The following LPIN2 variants were observed in gnomAD, a reference collection of about 807,000 sequenced individuals.
LPIN2 encodes the protein phosphatidate phosphatase LPIN2.
In LPIN2, 55 loss-of-function variants were observed where a neutral mutation model predicts 111.4. That is an observed-to-expected ratio of 0.49 (90% confidence interval 0.40 to 0.62). The LOEUF (loss-of-function observed/expected upper bound fraction) is 0.62. Ranked by LOEUF, LPIN2 falls within the 20% of genes least tolerant of loss-of-function variation. The pLI, the probability that LPIN2 is intolerant of heterozygous loss-of-function variation, is 0.00. For synonymous variants in LPIN2, 425 were observed against 414.0 expected (o/e 1.03, Z -0.32); for missense variants, 992 against 1,112.1 (o/e 0.89, Z 1.54).
chr18:2,990,830 C>G, intron 1 of LPIN2: 1 of 412,946 alleles, frequency 2.4e-6, no homozygotes, highest in Non-Finnish European at 4.8e-6. Context: ...CTTCCTACTT[C>G]AATCTCTGTT....
At position 2,926,856 on chromosome 18, in the gene LPIN2, AG is replaced by A. The variant is rs773734622; in HGVS notation, c.1711-52del. On this transcript the variant is annotated intron_variant, in intron 12 of 19. Coordinates refer to ENST00000677752, the MANE Select transcript of LPIN2 (RefSeq NM_001375808.2). ...ACATGCAATTTTTTCCCTACAGATA[AG>A]CCAAGTTCATCAGCAGCCCTCTCTA... 3 of 1,435,880 alleles carry A rather than the reference AG, an allele frequency of 2.1e-6. No homozygotes were observed. In the Admixed American group the frequency reaches 5.1e-5, roughly 25 times the overall value. 88.9% of individuals were successfully genotyped at this position (1,435,880 alleles called of 1,614,324 possible).
intron 1 of LPIN2, among the ~76,000 whole-genome samples, chr18:3,009,284 A>G (rs564231456): frequency 1.3e-5 from 2 of 151,734 alleles, no homozygotes; most frequent in Non-Finnish European, 2.9e-5. Context: ...CTGTAGTCCC[A>G]GCTACTCAGG....
At chr18:2,953,365 T>G (rs1449367066) in intron 3 of LPIN2, among the ~76,000 whole-genome samples, 1 of 152,152 alleles carries the variant, frequency 6.6e-6, no homozygotes, top group Non-Finnish European at 1.5e-5. Context: ...TTTTTTTTTT[T>G]GACAGATGTC....
intron 4 of LPIN2, among the ~76,000 whole-genome samples, chr18:2,941,069 G>C: frequency 6.6e-6 from 1 of 152,118 alleles, no homozygotes; most frequent in East Asian, 1.9e-4. Flanking sequence ...AAGTAATCAA[G>C]GATCCAGAGA....
Position 2,928,604 on chromosome 18 carries a change from T to C in LPIN2, c.1607A>G (p.Lys536Arg). The C allele has an allele frequency of 6.2e-7, 1 of 1,613,532 alleles. No homozygotes were observed. The highest frequency in any genetic ancestry group is 8.5e-7 in the Non-Finnish European group (1 of 1,179,448). The stretch of plus-strand genomic sequence containing the variant: ...GGATCGCCTCACCTTAGGCAAGCTC[T>C]TCTGGAATACTTGCAAGCTAAGGAT... ...PMILSLQVFQ[K>R]SLPKATVESW... is the part of the protein sequence containing the mutation. The change falls in exon 11 of 20, where the codon AAG becomes AGG. Residue 536 changes from lysine to arginine, a missense_variant. Lys to Arg is a conservative substitution (Grantham distance 26, BLOSUM62 2). Coordinates refer to ENST00000677752, the MANE Select transcript of LPIN2 (RefSeq NM_001375808.2).
intron 1 of LPIN2, among the ~76,000 whole-genome samples, chr18:2,971,152 C>T (rs1302929695): frequency 1.3e-5 from 2 of 152,330 alleles, no homozygotes; most frequent in East Asian, 3.9e-4. Flanking sequence ...CCACCCCAGT[C>T]ATCAGCCCAA....
At chr18:2,932,414 AAC>A (rs1286096375) in intron 8 of LPIN2, among the ~76,000 whole-genome samples, 1 of 152,182 alleles carries the variant, frequency 6.6e-6, no homozygotes, top group Non-Finnish European at 1.5e-5. Flanking sequence ...TTAACTAGGT[AAC>A]AGTTTCAAAA....
intron 2 of LPIN2, among the ~76,000 whole-genome samples, chr18:2,956,512 G>A (rs965982390): frequency 2.0e-4 from 31 of 152,332 alleles, no homozygotes; most frequent in African/African-American, 7.5e-4. Context: ...AGCTGAGGCA[G>A]GGAAAGTAGC....
In LPIN2 at chr18:2,920,183, C is replaced by T. The variant is rs1174298455; in HGVS notation, c.*110G>A. On this transcript the variant is annotated 3_prime_UTR_variant, in exon 20 of 20. Transcript: ENST00000677752. ...AGGATGGCGGGACCAGCTCCAGAAG[C>T]ACCCGTCCCCGCTGGGGAAGGCTGG... 3 of 1,465,338 alleles carry T rather than the reference C, an allele frequency of 2.0e-6. No homozygotes were observed. The highest frequency in any genetic ancestry group is 2.8e-5 in the African/African-American group (2 of 72,064). 90.8% of individuals were successfully genotyped at this position (1,465,338 alleles called of 1,614,324 possible). A position where few individuals can be genotyped will look rare whatever the true frequency, so the allele number is the denominator to read the frequency against.
intron 1 of LPIN2, among the ~76,000 whole-genome samples, chr18:2,981,911 A>T (rs2078116642): frequency 1.3e-5 from 2 of 152,204 alleles, no homozygotes; most frequent in African/African-American, 2.4e-5. Context: ...TTTTCATAAA[A>T]ATATCCATCC....
intron 11 of LPIN2, 58 bp downstream of exon 11, chr18:2,928,532 TG>T (rs1301448553): frequency 4.0e-6 from 6 of 1,481,494 alleles, no homozygotes; most frequent in Non-Finnish European, 5.7e-6. Context: ...TATGGATTTG[TG>T]TAAGTACTAG....
intron 1 of LPIN2, among the ~76,000 whole-genome samples, chr18:2,997,601 T>G (rs1280036608): frequency 6.6e-6 from 1 of 152,238 alleles, no homozygotes; most frequent in Non-Finnish European, 1.5e-5. Context: ...TGACTTCTGC[T>G]GCATAAACAA....
At chr18:2,988,009 T>C (rs112744476) in intron 1 of LPIN2, among the ~76,000 whole-genome samples, 1,055 of 81,718 alleles carry the variant, frequency 0.013, 18 homozygotes, top group African/African-American at 0.068. Context: ...TGAGAGACTG[T>C]CTCAAAAAAA....
At chr18:2,941,379 C>T (rs10853287) in intron 4 of LPIN2, among the ~76,000 whole-genome samples, 18,677 of 152,138 alleles carry the variant, frequency 0.12, 1,726 homozygotes, top group East Asian at 0.47. Context: ...TTTTAAGATT[C>T]ATAAAAGGAC....
At chr18:2,989,858 T>G (rs1352640976) in intron 1 of LPIN2, among the ~76,000 whole-genome samples, 1 of 150,288 alleles carries the variant, frequency 6.7e-6, no homozygotes, top group Non-Finnish European at 1.5e-5. Flanking sequence ...AGGTGGAAGC[T>G]GCAGTGAGCT....
rs376383720 is a variant in LPIN2 at position 2,937,468 on chromosome 18, C to G, written c.1168+224G>C. Among the ~76,000 whole-genome samples the G allele has an allele frequency of 6.7e-5, 10 of 149,706 alleles. No individual in the cohort carries two copies. The East Asian group carries it at 9.9e-4, about 15-fold the overall frequency. ...GCTGAGGCAGGAGAATTGCTTGAACCCGGGAGGCGGAAGTTGCAGTTAGCC... is the reference window on the plus strand; with the variant it reads ...GCTGAGGCAGGAGAATTGCTTGAACGCGGGAGGCGGAAGTTGCAGTTAGCC... On this transcript the variant is annotated intron_variant, in intron 7 of 19. Transcript: ENST00000677752.
At chr18:2,986,498 A>G (rs2078187345) in intron 1 of LPIN2, among the ~76,000 whole-genome samples, 1 of 150,064 alleles carries the variant, frequency 6.7e-6, no homozygotes, top group Non-Finnish European at 1.5e-5. Flanking sequence ...ATTTATCTTT[A>G]AAATTCACAC....
intron 9 of LPIN2, among the ~76,000 whole-genome samples, chr18:2,930,934 G>A (rs1446899506): frequency 6.6e-6 from 1 of 152,186 alleles, no homozygotes; most frequent in Non-Finnish European, 1.5e-5. Flanking sequence ...AAATGTTTCT[G>A]TAACTTTACA....
intron 17 of LPIN2, 36 bp downstream of exon 17, chr18:2,922,011 G>C (rs1263019233): frequency 1.3e-6 from 2 of 1,599,712 alleles, no homozygotes; most frequent in South Asian, 2.2e-5. Context: ...CCACATGCTG[G>C]GGCGGTGGGC....
Sources: allele counts gnomAD v4.1 joint callset (sites outside exome capture counted in the v4.1 genomes callset), GRCh38; gene constraint gnomAD v4.1.1; transcripts MANE v1.5; gene names NCBI Gene and HGNC (gene_info 2026-07-23, HGNC 2026-07-21).